The following LARP7 variants were observed in gnomAD, a reference collection of about 807,000 sequenced individuals.
LARP7 encodes the protein la-related protein 7.
In LARP7, 52 loss-of-function variants were observed where a neutral mutation model predicts 69.3. The ratio of observed to expected loss-of-function variants is 0.75; its 90% CI spans 0.60 to 0.95. LARP7 has a LOEUF of 0.95. LARP7 is among the 40% of genes least tolerant of loss of function. The probability of loss-of-function intolerance (pLI) is 0.00; values close to 1 mark genes in which losing one functional copy is unlikely to be tolerated. For synonymous variants in LARP7, 254 were observed against 215.9 expected (o/e 1.18, Z -1.55); for missense variants, 733 against 673.0 (o/e 1.09, Z -0.99).
intron 10 of LARP7, among the ~76,000 whole-genome samples, chr4:112,652,329 C>T (rs2048783961): frequency 1.7e-5 from 2 of 119,376 alleles, no homozygotes; most frequent in Non-Finnish European, 1.7e-5. Flanking sequence ...CCAGTTACTT[C>T]TTTAGCTTTA....
chr4:112,653,085 G>T lies in LARP7; in HGVS notation c.1425G>T (p.Leu475Phe). Residue 475 changes from leucine (L) to phenylalanine (F), a missense_variant, in exon 11 of 13, where the codon TTG becomes TTT. Transcript: ENST00000344442. ...LPGRKQVRDT[L>F]AAISEVLYVD... ...ACTTAACTCTAATGCAGGATACTTT[G>T]GCAGCAATCTCAGAAGTTCTTTATG... 1.3e-6 allele frequency: 2 copies of T among 1,584,104 alleles called. No individual in the cohort carries two copies. Among genetic ancestry groups the T allele is most frequent in the African/African-American group, 1.4e-5 (1 of 72,876 alleles).
chr4:112,654,022 GAT>G, intron 11 of LARP7, 44 bp from the exon 12 acceptor site: 3 of 1,372,668 alleles, frequency 2.2e-6, no homozygotes, highest in Non-Finnish European at 3.1e-6. Flanking sequence ...TGGTTTTTCA[GAT>G]ATGTTCTTCT....
intron 1 of LARP7, among the ~76,000 whole-genome samples, chr4:112,641,606 T>A (rs2047968917): frequency 2.0e-5 from 3 of 152,194 alleles, no homozygotes; most frequent in Non-Finnish European, 4.4e-5. Context: ...TTATTCATAT[T>A]TGGGATATAT....
intron 1 of LARP7, chr4:112,644,382 G>A: frequency 1.6e-6 from 1 of 622,370 alleles, no homozygotes. Context: ...ACTTAAAAGT[G>A]CAGCTTAGTG....
rs1258966776 is a variant in LARP7 at position 112,647,428 on chromosome 4, A to C, written c.876A>C (p.Thr292=). ...VEASSLPEVR[T]GKRKRSSSED... ...CATCTAGCTTACCTGAAGTCAGAAC[A>C]GGGAAGAGGAAGAGAAGCAGCTCTG... Residue 292 remains threonine, a synonymous_variant, in exon 7 of 13, where the codon ACA becomes ACC. Transcript: ENST00000344442. 1.3e-5 allele frequency: 21 copies of C among 1,614,140 alleles called. No homozygotes were observed. The highest frequency in any genetic ancestry group is 1.8e-5 in the Non-Finnish European group (21 of 1,180,000).
At chr4:112,648,298 C>G (rs759670726) in intron 8 of LARP7, 1 of 527,580 alleles carries the variant, frequency 1.9e-6, no homozygotes, top group Non-Finnish European at 3.9e-6. Context: ...CTGTAACAAG[C>G]TTAGTAACCT....
At chr4:112,648,395 T>G (rs752482245) in intron 8 of LARP7, 1 of 534,700 alleles carries the variant, frequency 1.9e-6, no homozygotes, top group Admixed American at 1.9e-5. Context: ...CTTACTTTTG[T>G]TTCACACAGC....
At chr4:112,648,389 C>A (rs754566437) in intron 8 of LARP7, 3 of 534,094 alleles carry the variant, frequency 5.6e-6, no homozygotes, top group Non-Finnish European at 1.2e-5. Flanking sequence ...GAAGCACTTA[C>A]TTTTGTTTCA....
At chr4:112,651,581 G>T (rs1363104414) in intron 10 of LARP7, among the ~76,000 whole-genome samples, 1 of 151,552 alleles carries the variant, frequency 6.6e-6, no homozygotes, top group Non-Finnish European at 1.5e-5. Context: ...TTATTTAAAG[G>T]GTAACTTTAT....
chr4:112,646,984 G>C, intron 5 of LARP7, 29 bp downstream of exon 5: 1 of 1,459,746 alleles, frequency 6.9e-7, no homozygotes, highest in Non-Finnish European at 8.9e-7. Flanking sequence ...AAAAAAAAAA[G>C]AAAGAAAAGA....
intron 1 of LARP7, among the ~76,000 whole-genome samples, chr4:112,642,364 A>T (rs57029862): frequency 0.1 from 15,937 of 152,200 alleles, 2,604 homozygotes; most frequent in African/African-American, 0.35. Flanking sequence ...ATTACTTGTA[A>T]AATTTCAAAA....
chr4:112,650,394 C>A, intron 9 of LARP7, 67 bp from the exon 10 acceptor site: 1 of 1,477,236 alleles, frequency 6.8e-7, no homozygotes, highest in African/African-American at 1.4e-5. Flanking sequence ...TAAGGTAGTC[C>A]TCCTAAGTAT....
chr4:112,640,200 A>C (rs193134953), intron 1 of LARP7, among the ~76,000 whole-genome samples: 1 of 152,184 alleles, frequency 6.6e-6, no homozygotes, highest in Admixed American at 6.5e-5. Flanking sequence ...CGGCCTCCCA[A>C]AGTGCTGGGA....
intron 12 of LARP7, among the ~76,000 whole-genome samples, chr4:112,656,284 G>A (rs1413049951): frequency 1.3e-5 from 2 of 152,080 alleles, no homozygotes; most frequent in African/African-American, 4.8e-5. Flanking sequence ...TGTAATCCCA[G>A]CTACTGGGGA....
chr4:112,640,689 A>G (rs2047926111), intron 1 of LARP7, among the ~76,000 whole-genome samples: 1 of 152,206 alleles, frequency 6.6e-6, no homozygotes, highest in Non-Finnish European at 1.5e-5. Context: ...AACAGACTCC[A>G]TCTCAATAAA....
At chr4:112,655,692 A>G (rs1173332697) in intron 12 of LARP7, among the ~76,000 whole-genome samples, 1 of 152,230 alleles carries the variant, frequency 6.6e-6, no homozygotes, top group Non-Finnish European at 1.5e-5. Flanking sequence ...CAGATAAACA[A>G]TATAGTTTAG....
chr4:112,639,941 G>C (rs1245854360), intron 1 of LARP7, among the ~76,000 whole-genome samples: 1 of 151,974 alleles, frequency 6.6e-6, no homozygotes, highest in Non-Finnish European at 1.5e-5. Context: ...GCCTACGTTT[G>C]TGTTTGTTCG....
chr4:112,646,957 T>TAA lies in LARP7; in HGVS notation c.552+3_552+4dup. Reference sequence around the variant, plus strand: ...GAACAAGCAGCAAAAGCAATTGAGGTAAGTCCAGATCCTAAAAAAAAAAAA... The same window carrying TAA: ...GAACAAGCAGCAAAAGCAATTGAGGTAAAAGTCCAGATCCTAAAAAAAAAAAA... On this transcript the variant is annotated splice_region_variant and intron_variant, in intron 5 of 12. Transcript: ENST00000344442. The TAA allele has an allele frequency of 6.3e-7, 1 of 1,591,470 alleles. No homozygotes were observed. Among genetic ancestry groups the TAA allele is most frequent in the Non-Finnish European group, 8.5e-7 (1 of 1,174,268 alleles).
At position 112,646,986 on chromosome 4, in the gene LARP7, A is replaced by G. The variant is rs1554011434; in HGVS notation, c.552+31A>G. On this transcript the variant is annotated intron_variant, in intron 5 of 12. Transcript: ENST00000344442. ...TCCAGATCCTAAAAAAAAAAAAAGA[A>G]AGAAAAGAAAACAAGTATTAAAATA... 1 of 1,578,736 alleles carries G rather than the reference A, an allele frequency of 6.3e-7. No homozygotes were observed. Among genetic ancestry groups the G allele is most frequent in the Non-Finnish European group, 8.5e-7 (1 of 1,170,648 alleles).
Sources: allele counts gnomAD v4.1 joint callset (sites outside exome capture counted in the v4.1 genomes callset), GRCh38; gene constraint gnomAD v4.1.1; transcripts MANE v1.5; gene names NCBI Gene and HGNC (gene_info 2026-07-23, HGNC 2026-07-21).